CNTNAP2: variants seen among roughly 807,000 people sequenced by gnomAD.
CNTNAP2 encodes the protein contactin associated protein 2, also known as contactin-associated protein-like 2.
CNTNAP2 carries 98 observed loss-of-function variants against 155.2 expected under a neutral mutation model. That is an observed-to-expected ratio of 0.63 (90% CI 0.54 to 0.75). The LOEUF is 0.75. Among genes scored for constraint, CNTNAP2 ranks in the 30% least tolerant of loss-of-function variants. The pLI is 0.00. For synonymous variants in CNTNAP2, 651 were observed against 631.2 expected (o/e 1.03, Z -0.47); for missense variants, 1,727 against 1,688.1 (o/e 1.02, Z -0.40).
chr7:146,408,747 A>T (rs1361765807), intron 1 of CNTNAP2, among the ~76,000 whole-genome samples: 1 of 152,166 alleles, frequency 6.6e-6, no homozygotes, highest in Non-Finnish European at 1.5e-5. Flanking sequence ...CGTTGTGCAC[A>T]TGTACCCTAG....
intron 10 of CNTNAP2, among the ~76,000 whole-genome samples, chr7:147,463,459 T>C (rs970036948): frequency 6.6e-6 from 1 of 152,184 alleles, no homozygotes; most frequent in Non-Finnish European, 1.5e-5. Context: ...CCAGGTCTTA[T>C]AGCAATAACC....
intron 18 of CNTNAP2, among the ~76,000 whole-genome samples, chr7:148,214,263 A>G (rs572646357): frequency 3.3e-5 from 5 of 152,344 alleles, no homozygotes; most frequent in African/African-American, 9.6e-5. Context: ...CCCAGGGTGC[A>G]GTCAGTGCTC....
At chr7:148,029,552 C>G (rs183756491) in intron 15 of CNTNAP2, among the ~76,000 whole-genome samples, 5 of 152,276 alleles carry the variant, frequency 3.3e-5, no homozygotes, top group East Asian at 3.9e-4. Context: ...AACAATTTCT[C>G]TATATAAACA....
intron 9 of CNTNAP2, among the ~76,000 whole-genome samples, chr7:147,341,677 C>A (rs967410344): frequency 1.4e-5 from 2 of 144,962 alleles, no homozygotes; most frequent in Non-Finnish European, 3.0e-5. Context: ...TGATCTTGAT[C>A]AGTATCATCT....
At chr7:146,377,623 C>T (rs1156927645) in intron 1 of CNTNAP2, among the ~76,000 whole-genome samples, 1 of 152,162 alleles carries the variant, frequency 6.6e-6, no homozygotes. Context: ...TCTCTACAGC[C>T]ACTTGATCAA....
chr7:148,129,052 A>C (rs1804772497), intron 16 of CNTNAP2, among the ~76,000 whole-genome samples: 1 of 152,212 alleles, frequency 6.6e-6, no homozygotes, highest in African/African-American at 2.4e-5. Flanking sequence ...CACATCCTGG[A>C]TTCCAAGTAA....
In CNTNAP2 at chr7:146,149,215, G is replaced by A. The variant is rs545199130; in HGVS notation, c.97+32242G>A. On this transcript the variant is annotated intron_variant, in intron 1 of 23. Transcript: ENST00000361727. ...AAATTTGGACCACAAAAAAAAATAT[G>A]GTATCTTAATAAATATCTCAAAACA... Among the ~76,000 whole-genome samples, 5 of 151,858 alleles carry A rather than the reference G, an allele frequency of 3.3e-5. No homozygotes were observed. In the East Asian group the frequency reaches 9.7e-4, roughly 29 times the overall value.
At chr7:148,112,716 A>G (rs887956247) in intron 15 of CNTNAP2, among the ~76,000 whole-genome samples, 1 of 152,086 alleles carries the variant, frequency 6.6e-6, no homozygotes, top group African/African-American at 2.4e-5. Context: ...ATAACCAAAA[A>G]TCTGTGATTT....
intron 13 of CNTNAP2, among the ~76,000 whole-genome samples, chr7:147,700,749 G>A (rs1796225575): frequency 1.3e-5 from 2 of 152,222 alleles, no homozygotes; most frequent in Non-Finnish European, 2.9e-5. Flanking sequence ...TAAGAGTGGT[G>A]TGAAACCAGT....
chr7:146,665,902 A>C (rs572747378), intron 1 of CNTNAP2, among the ~76,000 whole-genome samples: 1 of 152,030 alleles, frequency 6.6e-6, no homozygotes, highest in South Asian at 2.1e-4. Flanking sequence ...AAATTATTAC[A>C]AAGTGATGCT....
At chr7:146,669,526 G>C (rs1378557313) in intron 1 of CNTNAP2, among the ~76,000 whole-genome samples, 1 of 152,210 alleles carries the variant, frequency 6.6e-6, no homozygotes, top group African/African-American at 2.4e-5. Context: ...CTGTTGCTTA[G>C]GATTTTACTT....
chr7:147,526,849 T>C (rs1437217881), intron 11 of CNTNAP2, among the ~76,000 whole-genome samples: 1 of 151,952 alleles, frequency 6.6e-6, no homozygotes, highest in African/African-American at 2.4e-5. Flanking sequence ...TAACTTGGGA[T>C]TTGGGGACTT....
At chr7:148,169,429 T>C (rs901151324) in intron 17 of CNTNAP2, among the ~76,000 whole-genome samples, 7 of 152,192 alleles carry the variant, frequency 4.6e-5, no homozygotes, top group African/African-American at 1.4e-4. Context: ...TCCTAGCAAT[T>C]AGACTTAAAA....
chr7:146,855,238 T>A (rs922990906), intron 3 of CNTNAP2, among the ~76,000 whole-genome samples: 3 of 152,308 alleles, frequency 2.0e-5, no homozygotes, highest in Admixed American at 6.5e-5. Flanking sequence ...CTGATGAGCA[T>A]GTCCAATAGA....
chr7:148,234,469 C>A (rs1334367420), intron 20 of CNTNAP2, among the ~76,000 whole-genome samples: 1 of 152,206 alleles, frequency 6.6e-6, no homozygotes, highest in Admixed American at 6.5e-5. Flanking sequence ...CCTATTTCTT[C>A]AGATTTTTTT....
chr7:147,761,155 CTTAATTG>C (rs1797293136), intron 13 of CNTNAP2, among the ~76,000 whole-genome samples: 3 of 152,104 alleles, frequency 2.0e-5, no homozygotes, highest in Admixed American at 2.0e-4. Context: ...AGGTTAATAC[CTTAATTG>C]TAAAGTTATC....
At chr7:146,615,004 G>T (rs947235077) in intron 1 of CNTNAP2, among the ~76,000 whole-genome samples, 5 of 152,054 alleles carry the variant, frequency 3.3e-5, no homozygotes, top group African/African-American at 4.8e-5. Context: ...AAAATATACT[G>T]GGAAATGTAA....
intron 21 of CNTNAP2, among the ~76,000 whole-genome samples, chr7:148,331,651 C>T (rs1351093212): frequency 2.0e-5 from 3 of 149,048 alleles, no homozygotes; most frequent in Admixed American, 6.6e-5. Context: ...ATGGAATGGA[C>T]GGATGGAGTG....
intron 5 of CNTNAP2, among the ~76,000 whole-genome samples, chr7:147,113,054 C>G (rs1800915003): frequency 6.6e-6 from 1 of 151,970 alleles, no homozygotes; most frequent in African/African-American, 2.4e-5. Flanking sequence ...ATTACTGCCT[C>G]AATTTCAGAA....
Sources: allele counts gnomAD v4.1 joint callset (sites outside exome capture counted in the v4.1 genomes callset), GRCh38; gene constraint gnomAD v4.1.1; transcripts MANE v1.5; gene names NCBI Gene and HGNC (gene_info 2026-07-23, HGNC 2026-07-21).